Variants in SCUBE2 observed in about 807,000 individuals in gnomAD.
The protein encoded by SCUBE2 is signal peptide, CUB domain and EGF like domain containing 2.
SCUBE2 carries 114 observed loss-of-function variants against 125.9 expected under a neutral mutation model. That is an observed-to-expected ratio of 0.91 (90% CI 0.78 to 1.06). The LOEUF is 1.06. SCUBE2 is among the 50% of genes least tolerant of loss of function. SCUBE2 has a pLI of 0.00. For synonymous variants in SCUBE2, 459 were observed against 492.9 expected, an observed-to-expected ratio of 0.93 and a Z score of 0.91; for missense variants, 1,255 against 1,301.8, an observed-to-expected ratio of 0.96 and a Z score of 0.55.
chr11:9,056,049 C>T (rs1859051985), intron 9 of SCUBE2, 140 bp from the exon 10 acceptor site: 1 of 697,582 alleles, frequency 1.4e-6, no homozygotes, highest in Non-Finnish European at 2.5e-6. Flanking sequence ...CCATTTTCCT[C>T]ACTCACTTGT....
At chr11:9,061,571 G>GAAAAAAA (rs11301303) in intron 7 of SCUBE2, among the ~76,000 whole-genome samples, 21 of 101,110 alleles carry the variant, frequency 2.1e-4, no homozygotes, top group Non-Finnish European at 2.8e-4. Flanking sequence ...GAAAAGAAAA[G>GAAAAAAA]AAAAAAAAAA....
chr11:9,053,744 C>G lies in SCUBE2; in HGVS notation c.1223G>C (p.Ser408Thr), dbSNP rs376285540. The G allele has an allele frequency of 6.8e-6, 11 of 1,613,912 alleles. No homozygotes were observed. In the African/African-American group the frequency reaches 1.2e-4, roughly 18 times the overall value. The change falls in exon 11 of 23, where the codon AGC becomes ACC. Residue 408 changes from serine (S) to threonine (T), a missense_variant. Ser to Thr is a moderately conservative substitution (Grantham distance 58). Coordinates refer to ENST00000649792, the MANE Select transcript of SCUBE2 (RefSeq NM_001367977.2). ...CTGCTGACAGCCTCCGTTGTTGATG[C>G]TGCACTCATTGGTGTCTGTGGAACA... is the stretch of plus-strand genomic sequence containing the variant. ...FTHCGDTNEC[S>T]INNGGCQQVC...
intron 4 of SCUBE2, among the ~76,000 whole-genome samples, chr11:9,072,118 A>T (rs1237150130): frequency 6.6e-6 from 1 of 152,260 alleles, no homozygotes; most frequent in African/African-American, 2.4e-5. Context: ...ATTAAAAACA[A>T]CAGCAATAGA....
intron 5 of SCUBE2, among the ~76,000 whole-genome samples, chr11:9,067,550 T>A (rs1490650100): frequency 6.6e-6 from 1 of 152,216 alleles, no homozygotes; most frequent in Non-Finnish European, 1.5e-5. Context: ...ATTACATATT[T>A]GTGTTGTCCT....
At chr11:9,039,995 T>C (rs755591523) in intron 16 of SCUBE2, among the ~76,000 whole-genome samples, 1 of 152,226 alleles carries the variant, frequency 6.6e-6, no homozygotes, top group Non-Finnish European at 1.5e-5. Flanking sequence ...CGCGAGCCCA[T>C]GCGCACCACA....
At chr11:9,052,276 G>C (rs539457848) in intron 13 of SCUBE2, among the ~76,000 whole-genome samples, 1 of 152,306 alleles carries the variant, frequency 6.6e-6, no homozygotes, top group Admixed American at 6.5e-5. Flanking sequence ...AATGACAAAG[G>C]CGTCTATATC....
rs772150397 is a variant in SCUBE2, at chr11:9,030,792, C to T, written c.2307G>A (p.Gln769=). The change falls in exon 18 of 23, where the codon CAG becomes CAA. Residue 769 remains glutamine, a synonymous_variant. Transcript: ENST00000649792. ...CACAGTCCTGAAAGGAAGTAGCTCC[C>T]TGATGTTTGGTGGCAAGGCCTCCTC... ...PCGGGLATKH[Q]GATSFQDCET... is the part of the protein sequence containing the mutation. 7 of 1,614,164 alleles carry T rather than the reference C, an allele frequency of 4.3e-6. No homozygotes were observed. In the Admixed American group the frequency reaches 1.2e-4, roughly 27 times the overall value.
chr11:9,085,711 G>C (rs1391455728), intron 2 of SCUBE2, among the ~76,000 whole-genome samples: 1 of 151,876 alleles, frequency 6.6e-6, no homozygotes. Context: ...GGGTGACAAA[G>C]CGAGACTGTG....
Position 9,066,804 on chromosome 11 carries a change from T to C in SCUBE2, c.653A>G (p.Asn218Ser), listed in dbSNP as rs1387831080. ...KNQRDCILTC[N>S]HGNGGCQHSC... Reference sequence around the variant, plus strand: ...GTGCTGGCACCCACCGTTCCCATGGTTACAGGTCACTGACAGCAAAATGAA... The same window carrying C: ...GTGCTGGCACCCACCGTTCCCATGGCTACAGGTCACTGACAGCAAAATGAA... Residue 218 changes from asparagine (N) to serine (S), a missense_variant, in exon 6 of 23, where the codon AAC becomes AGC. Coordinates refer to ENST00000649792, the MANE Select transcript of SCUBE2 (RefSeq NM_001367977.2). The C allele has an allele frequency of 6.2e-7, 1 of 1,613,892 alleles. No homozygotes were observed. Among genetic ancestry groups the C allele is most frequent in the Non-Finnish European group, 8.5e-7 (1 of 1,179,776 alleles).
intron 2 of SCUBE2, among the ~76,000 whole-genome samples, chr11:9,089,211 G>A (rs897758628): frequency 6.6e-6 from 1 of 152,214 alleles, no homozygotes; most frequent in African/African-American, 2.4e-5. Flanking sequence ...AAGGTCCTTG[G>A]TGTACTCTGA....
chr11:9,086,156 C>T (rs117833085), intron 2 of SCUBE2, among the ~76,000 whole-genome samples: 1,525 of 152,252 alleles, frequency 0.01, 12 homozygotes, highest in Non-Finnish European at 0.017. Context: ...AAGAACCATA[C>T]AATAAATAAG....
intron 9 of SCUBE2, among the ~76,000 whole-genome samples, chr11:9,058,507 A>G (rs1458529575): frequency 6.8e-5 from 10 of 147,772 alleles, no homozygotes. Context: ...GAGGCAGGAG[A>G]ATCGCTTGAA....
intron 16 of SCUBE2, among the ~76,000 whole-genome samples, chr11:9,045,594 A>C: frequency 7.2e-6 from 1 of 139,622 alleles, no homozygotes; most frequent in Admixed American, 7.9e-5. Flanking sequence ...GACCAGGACT[A>C]GAAGACAGAC....
chr11:9,085,183 C>T (rs893370263), intron 2 of SCUBE2, among the ~76,000 whole-genome samples: 1 of 152,074 alleles, frequency 6.6e-6, no homozygotes, highest in East Asian at 1.9e-4. Flanking sequence ...TAATGTGGGA[C>T]TTTACTTGGA....
At chr11:9,044,380 G>A (rs1269475976) in intron 16 of SCUBE2, among the ~76,000 whole-genome samples, 1 of 152,058 alleles carries the variant, frequency 6.6e-6, no homozygotes, top group East Asian at 1.9e-4. Context: ...AGACTCCCGA[G>A]TAGCTGGGAC....
At chr11:9,046,132 G>A (rs553205732) in intron 16 of SCUBE2, among the ~76,000 whole-genome samples, 28 of 149,344 alleles carry the variant, frequency 1.9e-4, no homozygotes, top group South Asian at 2.1e-4. Context: ...TCAGCCTCCC[G>A]AATAGCTGGG....
At chr11:9,080,603 G>A (rs10840168) in intron 2 of SCUBE2, among the ~76,000 whole-genome samples, 1 of 150,346 alleles carries the variant, frequency 6.7e-6, no homozygotes, top group Non-Finnish European at 1.5e-5. Flanking sequence ...GAGCCAAGAT[G>A]ACACCACTGC....
At position 9,021,031 on chromosome 11, in the gene SCUBE2, G is replaced by T. The variant is rs377301696; in HGVS notation, c.*14C>A. ...TATAGCAGAACATTTGTATTGAGTG[G>T]CACGTGGGCTGAGTCATTTGTAAGG... On this transcript the variant is annotated 3_prime_UTR_variant, in exon 23 of 23. Transcript: ENST00000649792. 2.5e-6 allele frequency: 4 copies of T among 1,609,616 alleles called. No homozygotes were observed. Among genetic ancestry groups the T allele is most frequent in the African/African-American group, 1.4e-5 (1 of 73,510 alleles).
At position 9,025,685 on chromosome 11, in the gene SCUBE2, C is replaced by T. The variant is rs1855668818; in HGVS notation, c.2854+17G>A. ...AAAGCAGAGACGCTCTTTCCATGTGCTGCAGGCTGTGCTTACCATCATATG... is the reference window on the plus strand; with the variant it reads ...AAAGCAGAGACGCTCTTTCCATGTGTTGCAGGCTGTGCTTACCATCATATG... On this transcript the variant is annotated intron_variant, in intron 21 of 22. Transcript: ENST00000649792. 6.2e-7 allele frequency: 1 copy of T among 1,613,502 alleles called. No individual in the cohort carries two copies. The highest frequency in any genetic ancestry group is 1.3e-5 in the African/African-American group (1 of 74,916).
Sources: allele counts gnomAD v4.1 joint callset (sites outside exome capture counted in the v4.1 genomes callset), GRCh38; gene constraint gnomAD v4.1.1; transcripts MANE v1.5; gene names NCBI Gene and HGNC (gene_info 2026-07-23, HGNC 2026-07-21).